Variants in NUDT4 observed in about 807,000 individuals in gnomAD.
NUDT4 encodes diphosphoinositol polyphosphate phosphohydrolase 2.
A neutral mutation model predicts 23.1 loss-of-function variants in NUDT4; 5 were observed. That is an observed-to-expected ratio of 0.22 (90% confidence interval 0.11 to 0.46). The LOEUF (loss-of-function observed/expected upper bound fraction) is 0.46, where lower values mean the gene tolerates loss of function less well. Among genes scored for constraint, NUDT4 ranks in the 20% least tolerant of loss-of-function variants. The pLI, the probability that NUDT4 is intolerant of heterozygous loss-of-function variation, is 0.99. For synonymous variants in NUDT4, 50 were observed against 79.0 expected (o/e 0.63, Z 1.95); for missense variants, 96 against 211.6 (o/e 0.45, Z 3.39).
Position 93,403,837 on chromosome 12 carries a change from T to C in NUDT4, c.*4458T>C, listed in dbSNP as rs1433940641. ...TTCCTGACTGGTGCCACTGGCTAAA[T>C]TCTAGCAGTACGATGAGAGGGCCAT... On this transcript the variant is annotated 3_prime_UTR_variant, in exon 5 of 5. Transcript: ENST00000415493. The C allele has an allele frequency of 1.3e-5, 2 of 152,242 alleles. No homozygotes were observed. The highest frequency in any genetic ancestry group is 2.9e-5 in the Non-Finnish European group (2 of 68,048). The allele number at this position is 152,242 out of a possible 1,614,324, so 9.4% of individuals were successfully genotyped here.
chr12:93,402,943 G>T lies in NUDT4; in HGVS notation c.*3564G>T, dbSNP rs1034996423. On this transcript the variant is annotated 3_prime_UTR_variant, in exon 5 of 5. Transcript: ENST00000415493. Reference sequence around the variant, plus strand: ...CAAGTGTCACTTCATTTTTTATTAGGGGTTTCTTAGTTGGAGGGCATGAGA... The same window carrying T: ...CAAGTGTCACTTCATTTTTTATTAGTGGTTTCTTAGTTGGAGGGCATGAGA... The T allele has an allele frequency of 2.0e-5, 3 of 152,052 alleles. No individual in the cohort carries two copies. The highest frequency in any genetic ancestry group is 7.2e-5 in the African/African-American group (3 of 41,386). The allele number at this position is 152,052 out of a possible 1,614,324, so 9.4% of individuals were successfully genotyped here.
intron 1 of NUDT4, among the ~76,000 whole-genome samples, chr12:93,393,394 C>T (rs558751220): frequency 3.3e-5 from 5 of 152,224 alleles, no homozygotes; most frequent in Admixed American, 1.3e-4. Context: ...TGAGCCACCA[C>T]GCCCGGCCAC....
At chr12:93,383,074 A>ATTTTTTTTTT (rs367746876) in intron 1 of NUDT4, among the ~76,000 whole-genome samples, 1 of 144,420 alleles carries the variant, frequency 6.9e-6, no homozygotes, top group Non-Finnish European at 1.5e-5. Context: ...TTTGCATTGG[A>ATTTTTTTTTT]TTTTTTTTTT....
intron 3 of NUDT4, among the ~76,000 whole-genome samples, 183 bp downstream of exon 3, chr12:93,395,716 A>T (rs1368476544): frequency 6.6e-6 from 1 of 151,922 alleles, no homozygotes; most frequent in Non-Finnish European, 1.5e-5. Context: ...ACTTTTATTT[A>T]TTTATTTTTA....
chr12:93,384,706 A>G (rs1231688781), intron 1 of NUDT4, among the ~76,000 whole-genome samples: 1 of 152,146 alleles, frequency 6.6e-6, no homozygotes, highest in Non-Finnish European at 1.5e-5. Flanking sequence ...ATTCTAATTC[A>G]TAGACTTTTA....
chr12:93,386,598 A>C (rs958411957), intron 1 of NUDT4, among the ~76,000 whole-genome samples: 5 of 152,054 alleles, frequency 3.3e-5, no homozygotes, highest in Admixed American at 2.6e-4. Flanking sequence ...AAAAGAAGCT[A>C]TTAATAGTTG....
intron 1 of NUDT4, among the ~76,000 whole-genome samples, chr12:93,380,244 T>TA (rs1430096745): frequency 2.0e-5 from 3 of 152,172 alleles, no homozygotes; most frequent in Non-Finnish European, 2.9e-5. Flanking sequence ...TCAGGCTTTG[T>TA]AAAAATACTA....
chr12:93,395,643 A>C (rs1192579002), intron 3 of NUDT4, 110 bp downstream of exon 3: 3 of 846,744 alleles, frequency 3.5e-6, no homozygotes, highest in Non-Finnish European at 6.0e-6. Flanking sequence ...TCAGACTAGC[A>C]GTAGGCAGTC....
At position 93,406,289 on chromosome 12, in the gene NUDT4, A is replaced by G. The variant is rs1170201026; in HGVS notation, c.*6910A>G. 22 of 140,646 alleles carry G rather than the reference A, an allele frequency of 1.6e-4. No individual in the cohort carries two copies. The highest frequency in any genetic ancestry group is 3.5e-4 in the Admixed American group (5 of 14,434). The allele number at this position is 140,646 out of a possible 1,614,324, so 8.7% of individuals were successfully genotyped here. Reference sequence around the variant, plus strand: ...GCTAGAGCAGCCAAAAAAAAAAAAAAAAAAAAAAAAAAAAAAGGTTCCTGA... The same window carrying G: ...GCTAGAGCAGCCAAAAAAAAAAAAAGAAAAAAAAAAAAAAAAGGTTCCTGA... On this transcript the variant is annotated 3_prime_UTR_variant, in exon 5 of 5. Coordinates refer to ENST00000415493, the MANE Select transcript of NUDT4 (RefSeq NM_019094.6).
At chr12:93,396,548 G>A (rs1465878898) in intron 3 of NUDT4, among the ~76,000 whole-genome samples, 1 of 152,102 alleles carries the variant, frequency 6.6e-6, no homozygotes, top group African/African-American at 2.4e-5. Flanking sequence ...TAAGCCTTAG[G>A]AATTCAGAAA....
At chr12:93,382,264 C>CAAAAAAAAAAAAAAA (rs61019568) in intron 1 of NUDT4, among the ~76,000 whole-genome samples, 1 of 113,470 alleles carries the variant, frequency 8.8e-6, no homozygotes. Context: ...ACCCTGCCTG[C>CAAAAAAAAAAAAAAA]AAAAAAAAAA....
At chr12:93,396,104 A>G (rs932830616) in intron 3 of NUDT4, among the ~76,000 whole-genome samples, 20 of 152,188 alleles carry the variant, frequency 1.3e-4, no homozygotes, top group African/African-American at 4.8e-4. Context: ...GTTTATCTTA[A>G]TCCACTGTAG....
chr12:93,379,362 A>C lies in NUDT4; in HGVS notation c.99+941A>C, dbSNP rs1283252529. ...TTTTGGTATTGCCACTCTTAAGATAAATTACATAGGTGAAAAAAATTAACA... is the reference window on the plus strand; with the variant it reads ...TTTTGGTATTGCCACTCTTAAGATACATTACATAGGTGAAAAAAATTAACA... On this transcript the variant is annotated intron_variant, in intron 1 of 4. Transcript: ENST00000415493. Among the ~76,000 whole-genome samples, 3 of 152,302 alleles carry C rather than the reference A, an allele frequency of 2.0e-5. No individual in the cohort carries two copies. In the East Asian group the frequency reaches 5.8e-4, roughly 29 times the overall value.
At position 93,404,849 on chromosome 12, in the gene NUDT4, C is replaced by T. The variant is rs542636143; in HGVS notation, c.*5470C>T. 6.6e-6 allele frequency: 1 copy of T among 151,938 alleles called. No individual in the cohort carries two copies. The highest frequency in any genetic ancestry group is 2.1e-4 in the South Asian group (1 of 4,800). 9.4% of individuals were successfully genotyped at this position (151,938 alleles called of 1,614,324 possible). A position where few individuals can be genotyped will look rare whatever the true frequency, so the allele number is the denominator to read the frequency against. Reference sequence around the variant, plus strand: ...AGAGAACTACAACCTACAGGCCAAACCCCACCCCACTGCCTGTTTGTACGG... The same window carrying T: ...AGAGAACTACAACCTACAGGCCAAATCCCACCCCACTGCCTGTTTGTACGG... On this transcript the variant is annotated 3_prime_UTR_variant, in exon 5 of 5. Coordinates refer to ENST00000415493, the MANE Select transcript of NUDT4 (RefSeq NM_019094.6).
chr12:93,395,973 C>T (rs970587428), intron 3 of NUDT4, among the ~76,000 whole-genome samples: 15 of 152,208 alleles, frequency 9.9e-5, no homozygotes, highest in Non-Finnish European at 1.9e-4. Context: ...CCCACCTCGG[C>T]CTCCCAAAGT....
At chr12:93,395,310 C>A (rs1163185775) in intron 2 of NUDT4, among the ~76,000 whole-genome samples, 179 bp from the exon 3 acceptor site, 2 of 152,140 alleles carry the variant, frequency 1.3e-5, no homozygotes, top group African/African-American at 4.8e-5. Flanking sequence ...TTGATCAGTC[C>A]TTGCCGCTGA....
At chr12:93,379,960 G>C (rs2120842034) in intron 1 of NUDT4, among the ~76,000 whole-genome samples, 1 of 152,348 alleles carries the variant, frequency 6.6e-6, no homozygotes, top group East Asian at 1.9e-4. Context: ...CAATGTGCCA[G>C]GCGCTGCCAG....
In NUDT4 at chr12:93,405,653, A is replaced by T. The variant is rs927090985; in HGVS notation, c.*6274A>T. 15 of 152,240 alleles carry T rather than the reference A, an allele frequency of 9.9e-5. No homozygotes were observed. Among genetic ancestry groups the T allele is most frequent in the African/African-American group, 3.6e-4 (15 of 41,462 alleles). The allele number at this position is 152,240 out of a possible 1,614,324, so 9.4% of individuals were successfully genotyped here. A position where few individuals can be genotyped will look rare whatever the true frequency, so the allele number is the denominator to read the frequency against. The stretch of plus-strand genomic sequence containing the variant: ...TGGAGATGAGTGCAGGGGTGAGTGT[A>T]TAGTTAAGAAAACAAACAATATATT... On this transcript the variant is annotated 3_prime_UTR_variant, in exon 5 of 5. Transcript: ENST00000415493.
intron 1 of NUDT4, chr12:93,378,762 G>T: frequency 1.9e-6 from 2 of 1,034,306 alleles, no homozygotes; most frequent in Non-Finnish European, 2.3e-6. Flanking sequence ...TAAACCTCGA[G>T]TGCTCAGCGA....
Sources: gnomAD v4.1 joint callset for allele counts (sites outside exome capture counted in the v4.1 genomes callset) on GRCh38, gnomAD v4.1.1 for gene constraint, MANE v1.5 for transcripts, NCBI Gene and HGNC (gene_info 2026-07-23, HGNC 2026-07-21) for gene names.